MYLK: variants seen among roughly 807,000 people sequenced by gnomAD.
MYLK encodes the protein myosin light chain kinase.
A neutral mutation model predicts 203.4 loss-of-function variants in MYLK; 106 were observed. That is an observed-to-expected ratio of 0.52 (90% CI 0.45 to 0.61). The LOEUF (loss-of-function observed/expected upper bound fraction) is 0.61. MYLK is among the 20% of genes least tolerant of loss of function. The pLI is 0.00. For missense variants in MYLK, 2,072 were observed against 2,442.3 expected (o/e 0.85, Z 3.20); for synonymous variants, 867 against 959.5 (o/e 0.90, Z 1.78).
At chr3:123,680,649 T>G (rs2060231005) in intron 20 of MYLK, among the ~76,000 whole-genome samples, 1 of 152,234 alleles carries the variant, frequency 6.6e-6, no homozygotes, top group Non-Finnish European at 1.5e-5. Context: ...TACTGAAGGC[T>G]GAGTTCCCCC....
chr3:123,751,184 T>C (rs2063181172), intron 5 of MYLK, among the ~76,000 whole-genome samples: 3 of 152,216 alleles, frequency 2.0e-5, no homozygotes, highest in Admixed American at 2.0e-4. Flanking sequence ...AAGGGAACCT[T>C]GTGTTACTTC....
chr3:123,748,085 T>C (rs2063075259), intron 5 of MYLK, among the ~76,000 whole-genome samples: 2 of 152,212 alleles, frequency 1.3e-5, no homozygotes, highest in South Asian at 4.1e-4. Context: ...ACAAGAAGCA[T>C]GGCACCAGTA....
At chr3:123,856,954 AAAAC>A (rs1379844474) in intron 2 of MYLK, among the ~76,000 whole-genome samples, 3 of 152,122 alleles carry the variant, frequency 2.0e-5, no homozygotes, top group African/African-American at 7.2e-5. Context: ...TTACAAGAAA[AAAAC>A]AAACAACCCC....
In MYLK at chr3:123,764,221, G is replaced by A. The variant is rs72972314; in HGVS notation, c.166-11683C>T. 2.0e-3 allele frequency among the ~76,000 whole-genome samples: 299 copies of A among 152,054 alleles called. 1 individual carries two copies. The highest frequency in any genetic ancestry group is 6.9e-3 in the African/African-American group (288 of 41,464). ...TCTGTTTCTACTTGGTTCCTTGTTC[G>A]GTTCTTTATGTCTGTTCCATAACAG... On this transcript the variant is annotated intron_variant, in intron 4 of 33. Coordinates refer to ENST00000360304, the MANE Select transcript of MYLK (RefSeq NM_053025.4).
chr3:123,728,494 G>A (rs2062369406), intron 11 of MYLK, among the ~76,000 whole-genome samples: 1 of 151,990 alleles, frequency 6.6e-6, no homozygotes, highest in Non-Finnish European at 1.5e-5. Context: ...GTGACAGAGC[G>A]AGACTCTGTC....
At chr3:123,838,863 G>A (rs2066529014) in intron 2 of MYLK, among the ~76,000 whole-genome samples, 1 of 152,182 alleles carries the variant, frequency 6.6e-6, no homozygotes, top group Non-Finnish European at 1.5e-5. Context: ...GGGAGGCTGA[G>A]GCAGGCAGAT....
In MYLK at chr3:123,726,135, C is replaced by G; in HGVS notation, c.1517-57G>C. On this transcript the variant is annotated intron_variant, in intron 11 of 33. Coordinates refer to ENST00000360304, the MANE Select transcript of MYLK (RefSeq NM_053025.4). ...CACAGCTTGCCCACTCTGGTGATGC[C>G]TGCAGTCACCCCAGCCTCCCAGGCA... 5.6e-6 allele frequency: 9 copies of G among 1,608,924 alleles called. No individual in the cohort carries two copies. In the South Asian group the frequency reaches 1.0e-4, roughly 18 times the overall value.
Position 123,610,983 on chromosome 3 carries a change from T to C in MYLK, c.*3122A>G, listed in dbSNP as rs2057235069. 6.6e-6 allele frequency: 1 copy of C among 152,330 alleles called. No individual in the cohort carries two copies. Among genetic ancestry groups the C allele is most frequent in the East Asian group, 1.9e-4 (1 of 5,190 alleles). The allele number at this position is 152,330 out of a possible 1,614,324, so 9.4% of individuals were successfully genotyped here. ...TTTATATGTTTGGGATGAAAATGAA[T>C]GGAAGAAAGTATATCTGTTATTTTT... On this transcript the variant is annotated 3_prime_UTR_variant, in exon 34 of 34. Coordinates refer to ENST00000360304, the MANE Select transcript of MYLK (RefSeq NM_053025.4).
At chr3:123,692,204 G>GTAT (rs2108518698) in intron 19 of MYLK, 1 of 594,782 alleles carries the variant, frequency 1.7e-6, no homozygotes, top group South Asian at 5.6e-5. Flanking sequence ...TCCCTCTGCA[G>GTAT]TATTATTATT....
In MYLK at chr3:123,682,134, C is replaced by G. The variant is rs370840883; in HGVS notation, c.3652+90G>C. The G allele has an allele frequency of 8.1e-5, 81 of 998,174 alleles. No homozygotes were observed. The African/African-American group carries it at 1.1e-3, about 14-fold the overall frequency. 61.8% of individuals were successfully genotyped at this position (998,174 alleles called of 1,614,324 possible). A position where few individuals can be genotyped will look rare whatever the true frequency, so the allele number is the denominator to read the frequency against. ...AGGGATTCAGGCAAGAGTGAGTGAC[C>G]AGAAAGTGGGGGCTCTGAGGCTGCC... On this transcript the variant is annotated intron_variant, in intron 20 of 33. Coordinates refer to ENST00000360304, the MANE Select transcript of MYLK (RefSeq NM_053025.4).
In MYLK at chr3:123,820,348, G is replaced by A. The variant is rs867869397; in HGVS notation, c.-4+11200C>T. Reference sequence around the variant, plus strand: ...CACCTCAGGCACTAAGAAAAGGAGGGAACACAGTTAAGGATAAGGTTATGG... The same window carrying A: ...CACCTCAGGCACTAAGAAAAGGAGGAAACACAGTTAAGGATAAGGTTATGG... On this transcript the variant is annotated intron_variant, in intron 3 of 33. Coordinates refer to ENST00000360304, the MANE Select transcript of MYLK (RefSeq NM_053025.4). Among the ~76,000 whole-genome samples, 15 of 152,296 alleles carry A rather than the reference G, an allele frequency of 9.8e-5. No individual in the cohort carries two copies. The South Asian group carries it at 3.1e-3, about 32-fold the overall frequency.
intron 3 of MYLK, among the ~76,000 whole-genome samples, chr3:123,797,249 T>A (rs561699317): frequency 6.6e-6 from 1 of 152,278 alleles, no homozygotes; most frequent in Admixed American, 6.5e-5. Flanking sequence ...TCTATAGCAT[T>A]TATAGCATAT....
At chr3:123,762,739 T>C (rs2063574452) in intron 4 of MYLK, among the ~76,000 whole-genome samples, 1 of 152,156 alleles carries the variant, frequency 6.6e-6, no homozygotes, top group African/African-American at 2.4e-5. Flanking sequence ...TTTTTGCCCT[T>C]CGGCCTTCCA....
intron 23 of MYLK, among the ~76,000 whole-genome samples, chr3:123,659,460 C>A (rs1321316465): frequency 6.6e-6 from 1 of 152,150 alleles, no homozygotes. Flanking sequence ...AGAGAAGATG[C>A]AAAATTTGGG....
chr3:123,883,366 A>T (rs557758517), intron 1 of MYLK, among the ~76,000 whole-genome samples: 1 of 151,780 alleles, frequency 6.6e-6, no homozygotes, highest in South Asian at 2.1e-4. Context: ...CTCCCTCTAG[A>T]CTCTAGTAGA....
rs1358465403 is a variant in MYLK, at chr3:123,700,856, C to T, written c.2612G>A (p.Gly871Glu). Residue 871 changes from glycine (G) to glutamate (E), a missense_variant, in exon 18 of 34, where the codon GGG becomes GAG. Physicochemically the swap from Gly to Glu is moderately conservative, Grantham distance 98. Transcript: ENST00000360304. ...LEEEDGEDVR[G>E]VLKRRVETRQ... ...CGTCTCCACGCGCCTCTTCAGCACC[C>T]CTCGCACGTCCTCGCCGTCTTCCTC... 2 of 1,613,642 alleles carry T rather than the reference C, an allele frequency of 1.2e-6. No individual in the cohort carries two copies. The highest frequency in any genetic ancestry group is 1.7e-5 in the Admixed American group (1 of 60,006).
rs1240666284 is a variant in MYLK, at chr3:123,664,253, C to G, written c.3837G>C (p.Gln1279His). 4 of 1,614,074 alleles carry G rather than the reference C, an allele frequency of 2.5e-6. No individual in the cohort carries two copies. Residue 1279 changes from glutamine (Q) to histidine (H), a missense_variant, in exon 23 of 34, where the codon CAG becomes CAC. By Grantham distance (24) the Gln-to-His change is conservative. Transcript: ENST00000360304. ...CTWMKFRKQI[Q>H]ESEHMKVENS... is the part of the protein sequence containing the mutation. ...TCTCCACCTTCATGTGCTCGCTTTC[C>G]TGGATCTAGGGGCGGAGGATGGAGC...
At position 123,708,761 on chromosome 3, in the gene MYLK, A is replaced by G. The variant is rs761540073; in HGVS notation, c.2077T>C (p.Tyr693His). The change falls in exon 15 of 34, where the codon TAC (tyrosine) becomes CAC (histidine). Residue 693 changes from tyrosine (Y) to histidine (H), a missense_variant. By Grantham distance (83) the Tyr-to-His change is moderately conservative. This residue lies in a region of MYLK where 865 missense variants were observed against 1,016.0 expected (regional missense o/e 0.85). Coordinates refer to ENST00000360304, the MANE Select transcript of MYLK (RefSeq NM_053025.4). ...QEVFPEDTGT[Y>H]TCEAWNSAGE... ...GCGCTGTTCCAGGCCTCGCAGGTGT[A>G]CGTGCCCGTGTCCTCCGGGAACACT... The G allele has an allele frequency of 4.3e-6, 7 of 1,614,180 alleles. No homozygotes were observed. The highest frequency in any genetic ancestry group is 1.7e-5 in the Admixed American group (1 of 60,032).
chr3:123,777,020 G>A (rs1011351639), intron 4 of MYLK, among the ~76,000 whole-genome samples: 4 of 152,228 alleles, frequency 2.6e-5, no homozygotes, highest in African/African-American at 7.2e-5. Context: ...AGAACCATAG[G>A]TAATTTTAGC....
Sources: allele counts gnomAD v4.1 joint callset (sites outside exome capture counted in the v4.1 genomes callset), GRCh38; gene constraint gnomAD v4.1.1; regional missense constraint gnomAD v4.1.1; transcripts MANE v1.5; gene names NCBI Gene and HGNC (gene_info 2026-07-23, HGNC 2026-07-21).